Variants in EXD3 observed in about 807,000 individuals in gnomAD.
EXD3 encodes the protein exonuclease 3'-5' domain containing 3.
A neutral mutation model predicts 98.0 loss-of-function variants in EXD3; 92 were observed. The observed-to-expected ratio is 0.94, with a 90% CI of 0.79 to 1.12. EXD3 has a LOEUF of 1.12. EXD3 is among the 50% of genes most tolerant of loss of function. EXD3 has a pLI of 0.00. For synonymous variants in EXD3, 569 were observed against 526.0 expected (o/e 1.08, Z -1.12); for missense variants, 1,222 against 1,191.6 (o/e 1.03, Z -0.38).
rs1021625718 is a variant in EXD3, at chr9:137,403,306, C to T, written c.-47-7902G>A. On this transcript the variant is annotated intron_variant, in intron 1 of 21. Coordinates refer to ENST00000340951, the MANE Select transcript of EXD3 (RefSeq NM_017820.5). The surrounding 1 kb of genome is among the most constrained non-coding windows in gnomAD (Gnocchi z 6.1). ...AGATGCAGACCCGAACGCGTCTCCT[C>T]CCGGCTGGTCTGTCCAGGAAAAAGC... Among the ~76,000 whole-genome samples, 4 of 152,054 alleles carry T rather than the reference C, an allele frequency of 2.6e-5. No homozygotes were observed.
intron 2 of EXD3, among the ~76,000 whole-genome samples, chr9:137,389,513 G>C (rs1364311194): frequency 2.0e-5 from 3 of 146,534 alleles, no homozygotes; most frequent in Non-Finnish European, 4.7e-5. Context: ...AGCGGGATGA[G>C]GGGGAGAGCC....
Position 137,323,812 on chromosome 9 carries a change from G to T in EXD3, c.2097C>A (p.Cys699Ter). ...TGGCCTGCTGCTGGGCCTTCAGGGA[G>T]CAGTCGACCGAGAGGCAGCGCCCAG... ...VGAGRCLSVDCSLKAQQQAKA... is the reference protein window; with the variant it reads ...VGAGRCLSVD Residue 699 changes from cysteine to a stop codon, truncating the protein, a stop_gained, in exon 19 of 22, where the codon TGC (cysteine) becomes TGA (stop). Coordinates refer to ENST00000340951, the MANE Select transcript of EXD3 (RefSeq NM_017820.5). LOFTEE classifies it high-confidence loss of function. 6.2e-7 allele frequency: 1 copy of T among 1,612,220 alleles called. No individual in the cohort carries two copies. Among genetic ancestry groups the T allele is most frequent in the Non-Finnish European group, 8.5e-7 (1 of 1,179,748 alleles).
chr9:137,324,797 A>G lies in EXD3; in HGVS notation c.1999-654T>C, dbSNP rs2119107451. ...AAGCTCCGCCTCCTGGGTTCATGCC[A>G]TTCTCCTGCCTCAGCCTCCCAAGTA... On this transcript the variant is annotated intron_variant, in intron 17 of 21. Coordinates refer to ENST00000340951, the MANE Select transcript of EXD3 (RefSeq NM_017820.5). The surrounding 1 kb of genome is among the most constrained non-coding windows in gnomAD (Gnocchi z 4.1). 6.6e-6 allele frequency among the ~76,000 whole-genome samples: 1 copy of G among 152,206 alleles called. No individual in the cohort carries two copies. Among genetic ancestry groups the G allele is most frequent in the East Asian group, 1.9e-4 (1 of 5,182 alleles).
chr9:137,338,990 A>C (rs1198582265), intron 17 of EXD3, among the ~76,000 whole-genome samples: 3 of 152,062 alleles, frequency 2.0e-5, no homozygotes, highest in Non-Finnish European at 4.4e-5. Flanking sequence ...GAGGGAACCC[A>C]GCTGCAGACA....
intron 11 of EXD3, 59 bp downstream of exon 11, chr9:137,352,561 G>T: frequency 6.9e-7 from 1 of 1,447,872 alleles, no homozygotes; most frequent in Non-Finnish European, 9.1e-7. Context: ...TCGTCCCAAG[G>T]GTAGGGGCCA....
chr9:137,392,008 T>C (rs935131275), intron 2 of EXD3: 4 of 152,240 alleles, frequency 2.6e-5, no homozygotes, highest in Non-Finnish European at 5.9e-5. Context: ...CTAATTTTTG[T>C]ATTTTTAGTA....
In EXD3 at chr9:137,375,880, T is replaced by C. The variant is rs141753398; in HGVS notation, c.121-2281A>G. 2.0e-5 allele frequency among the ~76,000 whole-genome samples: 3 copies of C among 152,204 alleles called. No individual in the cohort carries two copies. In the South Asian group the frequency reaches 6.2e-4, roughly 32 times the overall value. On this transcript the variant is annotated intron_variant, in intron 3 of 21. Coordinates refer to ENST00000340951, the MANE Select transcript of EXD3 (RefSeq NM_017820.5). ...AAACACACAAGGAAGCAAGCCACCATGAGTGACACCCACAAGTAGGTTGAC... is the reference window on the plus strand; with the variant it reads ...AAACACACAAGGAAGCAAGCCACCACGAGTGACACCCACAAGTAGGTTGAC...
intron 3 of EXD3, among the ~76,000 whole-genome samples, chr9:137,381,774 A>G (rs1564194253): frequency 6.6e-6 from 1 of 151,712 alleles, no homozygotes; most frequent in South Asian, 2.1e-4. Context: ...GGTCCCCAAG[A>G]CCTCCATGTG....
chr9:137,384,392 G>A (rs1564196552), intron 2 of EXD3, among the ~76,000 whole-genome samples: 1 of 152,206 alleles, frequency 6.6e-6, no homozygotes, highest in Non-Finnish European at 1.5e-5. Context: ...TGGCCCTTTC[G>A]GTAGACACAG....
At chr9:137,370,050 C>G (rs1835511422) in intron 5 of EXD3, among the ~76,000 whole-genome samples, 1 of 152,164 alleles carries the variant, frequency 6.6e-6, no homozygotes, top group African/African-American at 2.4e-5. Context: ...GAGGATGGAG[C>G]TCCCCTAGCT....
intron 19 of EXD3, among the ~76,000 whole-genome samples, chr9:137,322,587 A>AC (rs35612065): frequency 7.2e-5 from 4 of 55,638 alleles, no homozygotes; most frequent in Admixed American, 1.9e-4. Flanking sequence ...CTCACCCCGG[A>AC]CCACGAGGGA....
intron 3 of EXD3, chr9:137,374,487 T>G: frequency 1.1e-6 from 1 of 906,402 alleles, no homozygotes; most frequent in Non-Finnish European, 1.3e-6. Flanking sequence ...AGCAACATCC[T>G]GAGGCTGCCG....
Position 137,352,054 on chromosome 9 carries a change from C to T in EXD3, c.1173+12G>A, listed in dbSNP as rs201281828. Reference sequence around the variant, plus strand: ...CACCACCGGGCGCTGCCCCAGCGGCCGAGGGAACCACCTGCAGGAGTGCAC... The same window carrying T: ...CACCACCGGGCGCTGCCCCAGCGGCTGAGGGAACCACCTGCAGGAGTGCAC... On this transcript the variant is annotated intron_variant, in intron 12 of 21. Coordinates refer to ENST00000340951, the MANE Select transcript of EXD3 (RefSeq NM_017820.5). 6.8e-5 allele frequency: 109 copies of T among 1,606,260 alleles called. No homozygotes were observed. The East Asian group carries it at 1.9e-3, about 27-fold the overall frequency.
intron 2 of EXD3, among the ~76,000 whole-genome samples, chr9:137,391,344 C>T (rs1012357688): frequency 4.1e-4 from 62 of 152,226 alleles, no homozygotes; most frequent in Middle Eastern, 3.2e-3. Context: ...GGAGCGTGGA[C>T]GCTGGATGTG....
intron 1 of EXD3, among the ~76,000 whole-genome samples, chr9:137,402,871 A>G (rs1354080653): frequency 6.6e-6 from 1 of 152,188 alleles, no homozygotes. Flanking sequence ...GGCACTTCTT[A>G]CATGGTGGCA....
At chr9:137,320,515 A>G (rs1831975618) in intron 19 of EXD3, among the ~76,000 whole-genome samples, 1 of 152,204 alleles carries the variant, frequency 6.6e-6, no homozygotes, top group Non-Finnish European at 1.5e-5. Flanking sequence ...CAGCAGGGGC[A>G]GCTTGGGGGT....
chr9:137,348,372 T>C (rs1834048011), intron 16 of EXD3, 134 bp from the exon 17 acceptor site: 5 of 1,102,312 alleles, frequency 4.5e-6, no homozygotes, highest in South Asian at 1.7e-5. Flanking sequence ...CTGTGTGTGC[T>C]GTGCATAAAA....
rs753558640 is a variant in EXD3 at position 137,385,968 on chromosome 9, A to G, written c.56-2591T>C. On this transcript the variant is annotated intron_variant, in intron 2 of 21. Coordinates refer to ENST00000340951, the MANE Select transcript of EXD3 (RefSeq NM_017820.5). This position sits in a 1 kb window ranked among gnomAD's most constrained non-coding sequence, Gnocchi z 4.4. The stretch of plus-strand genomic sequence containing the variant: ...TACACAGGAAAGTGGTTAAAATGGT[A>G]AATTTCATGTTATGTATATTTCACA... Among the ~76,000 whole-genome samples the G allele has an allele frequency of 6.6e-6, 1 of 152,100 alleles. No individual in the cohort carries two copies. The highest frequency in any genetic ancestry group is 1.5e-5 in the Non-Finnish European group (1 of 68,030).
chr9:137,372,915 C>T lies in EXD3; in HGVS notation c.452G>A (p.Arg151Lys). Reference protein sequence around the residue: ...AHVHRLHHEGRFREAATLGAT... With the variant: ...AHVHRLHHEGKFREAATLGAT... ...ACGTGGGCCACTCACTTCTCTGAAC[C>T]TGCCCTCGTGGTGGAGGCGGTGGAC... The change falls in exon 5 of 22, where the codon AGG (arginine) becomes AAG (lysine). Residue 151 changes from arginine (R) to lysine (K), a missense_variant. Physicochemically the swap from Arg to Lys is conservative, Grantham distance 26. Transcript: ENST00000340951. The T allele has an allele frequency of 6.3e-7, 1 of 1,599,152 alleles. No individual in the cohort carries two copies.
Sources: allele counts gnomAD v4.1 joint callset (sites outside exome capture counted in the v4.1 genomes callset), GRCh38; gene constraint gnomAD v4.1.1; non-coding constraint Gnocchi (gnomAD v3.1); transcripts MANE v1.5; gene names NCBI Gene and HGNC (gene_info 2026-07-23, HGNC 2026-07-21).